The following PHF24 variants were observed in gnomAD, a reference collection of about 807,000 sequenced individuals.
The protein encoded by PHF24 is PHD finger protein 24.
A neutral mutation model predicts 42.6 loss-of-function variants in PHF24; 25 were observed. The ratio of observed to expected loss-of-function variants is 0.59; its 90% CI spans 0.43 to 0.82. The LOEUF is 0.82. Ranked by LOEUF, PHF24 falls within the 40% of genes least tolerant of loss-of-function variation. PHF24 has a pLI of 0.00. For synonymous variants in PHF24, 185 were observed against 204.8 expected (o/e 0.90, Z 0.83); for missense variants, 470 against 538.1 (o/e 0.87, Z 1.25).
the PHF24 span, among the ~76,000 whole-genome samples, chr9:34,897,692 A>G: frequency 6.6e-6 from 1 of 152,172 alleles, no homozygotes; most frequent in Non-Finnish European, 1.5e-5. Flanking sequence ...TTTTATTTCC[A>G]TAGGTTATTA....
the PHF24 span, among the ~76,000 whole-genome samples, chr9:34,896,371 T>C: frequency 2.6e-5 from 4 of 152,178 alleles, no homozygotes; most frequent in Admixed American, 2.0e-4. Context: ...TTAAATAACT[T>C]TCTGAGAGTT....
the PHF24 span, among the ~76,000 whole-genome samples, chr9:34,886,154 A>C: frequency 6.6e-6 from 1 of 151,350 alleles, no homozygotes; most frequent in African/African-American, 2.4e-5. Flanking sequence ...TCCACACCAC[A>C]GCGTTCTTCC....
At chr9:34,717,809 G>A in the PHF24 span, among the ~76,000 whole-genome samples, 972 of 152,280 alleles carry the variant, frequency 6.4e-3, 9 homozygotes, top group African/African-American at 0.022. Flanking sequence ...CTTTGTGTCT[G>A]CATGTGTGTT....
At chr9:34,756,006 A>G in the PHF24 span, among the ~76,000 whole-genome samples, 1 of 152,154 alleles carries the variant, frequency 6.6e-6, no homozygotes, top group African/African-American at 2.4e-5. Context: ...ACGTATTACC[A>G]GACCAATGTC....
At chr9:34,726,257 T>C in the PHF24 span, 1 of 1,522,630 alleles carries the variant, frequency 6.6e-7, no homozygotes, top group Non-Finnish European at 8.9e-7. Context: ...AGGTTGGTAA[T>C]ACAATGGTGG....
At chr9:34,783,524 C>G in the PHF24 span, among the ~76,000 whole-genome samples, 1 of 152,176 alleles carries the variant, frequency 6.6e-6, no homozygotes, top group East Asian at 1.9e-4. Context: ...CTCTATTGCA[C>G]TCACCCCTGC....
At chr9:34,838,305 A>G in the PHF24 span, 1 of 725,816 alleles carries the variant, frequency 1.4e-6, no homozygotes, top group Non-Finnish European at 2.5e-6. Flanking sequence ...AAAGCATATT[A>G]TCTGAGGCTT....
chr9:34,937,647 T>TAAAAAAA, the PHF24 span, among the ~76,000 whole-genome samples: 104,329 of 142,450 alleles, frequency 0.73, 38,627 homozygotes, highest in Admixed American at 0.77. Context: ...ATGATCAATT[T>TAAAAAAA]AAAAAAAAAA....
chr9:34,670,655 C>T, the PHF24 span, among the ~76,000 whole-genome samples: 1 of 152,094 alleles, frequency 6.6e-6, no homozygotes, highest in East Asian at 1.9e-4. Context: ...GGAAGATTTG[C>T]AAGGTTTGTG....
At chr9:34,879,724 C>T in the PHF24 span, among the ~76,000 whole-genome samples, 83 of 152,278 alleles carry the variant, frequency 5.5e-4, no homozygotes, top group South Asian at 4.4e-3. Flanking sequence ...CTATGTCTGA[C>T]TGGTGTACCT....
the PHF24 span, among the ~76,000 whole-genome samples, chr9:34,753,702 A>G: frequency 6.6e-6 from 1 of 152,196 alleles, no homozygotes; most frequent in African/African-American, 2.4e-5. Context: ...GAGCAAAAGA[A>G]CAAAACTAGA....
chr9:34,717,166 T>C, the PHF24 span, among the ~76,000 whole-genome samples: 2 of 152,194 alleles, frequency 1.3e-5, no homozygotes, highest in Non-Finnish European at 2.9e-5. Flanking sequence ...GCATTATCTG[T>C]CTGGGTACAG....
chr9:34,826,804 T>C, the PHF24 span, among the ~76,000 whole-genome samples: 1 of 152,142 alleles, frequency 6.6e-6, no homozygotes, highest in Admixed American at 6.5e-5. Context: ...AGCACTGATG[T>C]ATTCCTAGCA....
At chr9:34,708,256 C>T in the PHF24 span, among the ~76,000 whole-genome samples, 1 of 152,046 alleles carries the variant, frequency 6.6e-6, no homozygotes, top group East Asian at 1.9e-4. Context: ...CCCCAGGAGA[C>T]TTATTCCTTG....
At chr9:34,894,327 G>A in the PHF24 span, 2 of 396,708 alleles carry the variant, frequency 5.0e-6, no homozygotes, top group Non-Finnish European at 4.4e-6. Context: ...AGCCTCCACT[G>A]TGTATGTCTC....
the PHF24 span, among the ~76,000 whole-genome samples, chr9:34,798,487 T>C: frequency 6.6e-6 from 1 of 152,236 alleles, no homozygotes; most frequent in African/African-American, 2.4e-5. Context: ...GTTTCTACAT[T>C]AATTTGCTTA....
the PHF24 span, among the ~76,000 whole-genome samples, chr9:34,899,520 A>C: frequency 6.6e-6 from 1 of 152,182 alleles, no homozygotes; most frequent in Non-Finnish European, 1.5e-5. Context: ...TGAACATCTC[A>C]AATATACCAA....
chr9:34,864,775 G>A, the PHF24 span, among the ~76,000 whole-genome samples: 70,497 of 152,016 alleles, frequency 0.46, 17,213 homozygotes, highest in East Asian at 0.67. Flanking sequence ...TGTGTAAACT[G>A]CTGTTAAGTA....
chr9:34,790,887 G>A, the PHF24 span, among the ~76,000 whole-genome samples: 11 of 152,260 alleles, frequency 7.2e-5, no homozygotes, highest in Admixed American at 5.9e-4. Context: ...GGTGCCAAGA[G>A]GGGCAGGAAT....
Sources: gnomAD v4.1 joint callset for allele counts (sites outside exome capture counted in the v4.1 genomes callset) on GRCh38, gnomAD v4.1.1 for gene constraint, MANE v1.5 for transcripts, NCBI Gene and HGNC (gene_info 2026-07-23, HGNC 2026-07-21) for gene names.